The following TGM6 variants were observed in gnomAD, a reference collection of about 807,000 sequenced individuals.
TGM6 encodes the protein transglutaminase 6, also known as protein-glutamine gamma-glutamyltransferase 6.
A neutral mutation model predicts 77.5 loss-of-function variants in TGM6; 74 were observed. The observed-to-expected ratio is 0.96, with a 90% confidence interval of 0.79 to 1.16. The LOEUF (loss-of-function observed/expected upper bound fraction) is 1.16. Among genes scored for constraint, TGM6 ranks in the 50% most tolerant of loss-of-function variants. TGM6 has a pLI of 0.00. For synonymous variants in TGM6, 383 were observed against 378.9 expected (o/e 1.01, Z -0.12); for missense variants, 968 against 940.2 (o/e 1.03, Z -0.39).
rs566550009 is a variant in TGM6 at position 2,430,307 on chromosome 20, G to A, written c.1679-139G>A. 7.7e-5 allele frequency: 92 copies of A among 1,191,928 alleles called. 2 individuals carry two copies. In the South Asian group the frequency reaches 1.0e-3, roughly 13 times the overall value. The allele number at this position is 1,191,928 out of a possible 1,614,324, so 73.8% of individuals were successfully genotyped here. A position where few individuals can be genotyped will look rare whatever the true frequency, so the allele number is the denominator to read the frequency against. On this transcript the variant is annotated intron_variant, in intron 10 of 12. Transcript: ENST00000202625. ...CCTTAGGTTTCTTCATCTGAGAACC[G>A]AGGAAAATAAAGCCTGTCTCAGAAT...
chr20:2,383,324 T>C (rs1336113404), intron 1 of TGM6, among the ~76,000 whole-genome samples: 1 of 152,152 alleles, frequency 6.6e-6, no homozygotes, highest in Non-Finnish European at 1.5e-5. Context: ...CTCTCTGGTA[T>C]CACCCAAGGG....
rs772029512 is a variant in TGM6 at position 2,400,493 on chromosome 20, G to A, written c.989+49G>A. On this transcript the variant is annotated intron_variant, in intron 7 of 12. Coordinates refer to ENST00000202625, the MANE Select transcript of TGM6 (RefSeq NM_198994.3). ...CCCGAGGGCTCTGGAAGCCCAGCAG[G>A]TGGAGCAAGGCCTCATCTTCCATAA... The A allele has an allele frequency of 2.4e-5, 38 of 1,612,640 alleles. 1 individual carries two copies. The South Asian group carries it at 4.2e-4, about 18-fold the overall frequency.
intron 7 of TGM6, among the ~76,000 whole-genome samples, chr20:2,402,833 C>T (rs1176882275): frequency 2.6e-5 from 4 of 152,216 alleles, no homozygotes; most frequent in Admixed American, 2.6e-4. Context: ...GGCCATATCC[C>T]AGAGATACTT....
chr20:2,428,166 G>C (rs1297902087), intron 10 of TGM6, among the ~76,000 whole-genome samples: 1 of 152,022 alleles, frequency 6.6e-6, no homozygotes, highest in East Asian at 1.9e-4. Flanking sequence ...ATCCTTTTTG[G>C]TGAGTGCTCC....
At chr20:2,391,938 C>T (rs554441759) in intron 1 of TGM6, among the ~76,000 whole-genome samples, 5 of 152,314 alleles carry the variant, frequency 3.3e-5, no homozygotes, top group East Asian at 3.9e-4. Context: ...CTCTGCCTAG[C>T]GCCATAGCTG....
intron 9 of TGM6, among the ~76,000 whole-genome samples, chr20:2,404,732 C>T (rs2122378834): frequency 6.6e-6 from 1 of 152,184 alleles, no homozygotes; most frequent in African/African-American, 2.4e-5. Flanking sequence ...CCTCCGCCTC[C>T]TGGGTTCAAG....
chr20:2,400,470 C>T lies in TGM6; in HGVS notation c.989+26C>T, dbSNP rs562484824. ...GTGGGTCCTGCCCCCAGCCTAGGCC[C>T]GAGGGCTCTGGAAGCCCAGCAGGTG... On this transcript the variant is annotated intron_variant, in intron 7 of 12. Coordinates refer to ENST00000202625, the MANE Select transcript of TGM6 (RefSeq NM_198994.3). The T allele has an allele frequency of 2.0e-5, 32 of 1,613,684 alleles. 1 individual carries two copies. In the Middle Eastern group the frequency reaches 1.5e-3, roughly 75 times the overall value.
chr20:2,392,212 A>C (rs1212308832), intron 1 of TGM6, among the ~76,000 whole-genome samples: 1 of 152,200 alleles, frequency 6.6e-6, no homozygotes, highest in Non-Finnish European at 1.5e-5. Flanking sequence ...GGTCTGTAGC[A>C]TCCAGCACAA....
rs1311904411 is a variant in TGM6, at chr20:2,417,332, C to G, written c.1437C>G (p.Arg479=). 1 of 1,613,922 alleles carries G rather than the reference C, an allele frequency of 6.2e-7. No individual in the cohort carries two copies. Among genetic ancestry groups the G allele is most frequent in the East Asian group, 2.2e-5 (1 of 44,874 alleles). The part of the protein sequence containing the change: ...RRIWIRRAGG[R]CLWRDDLLEP... ...TCTGGATCCGCAGGGCTGGGGGTCGCTGTCTCTGGCGTGACGACCTCCTGG... is the reference window on the plus strand; with the variant it reads ...TCTGGATCCGCAGGGCTGGGGGTCGGTGTCTCTGGCGTGACGACCTCCTGG... Residue 479 remains arginine (R), a synonymous_variant, in exon 10 of 13, where the codon CGC becomes CGG. Transcript: ENST00000202625.
intron 9 of TGM6, among the ~76,000 whole-genome samples, chr20:2,404,628 A>G (rs1205601790): frequency 2.0e-5 from 3 of 148,902 alleles, no homozygotes; most frequent in African/African-American, 7.4e-5. Flanking sequence ...CATATTTTAC[A>G]GCTCTGGTTG....
intron 10 of TGM6, among the ~76,000 whole-genome samples, chr20:2,424,578 T>C (rs1197787471): frequency 6.6e-6 from 1 of 152,234 alleles, no homozygotes; most frequent in Non-Finnish European, 1.5e-5. Context: ...TGGAGATCAC[T>C]AAAACTTTCT....
At chr20:2,382,003 T>G (rs937305190) in intron 1 of TGM6, among the ~76,000 whole-genome samples, 2 of 151,140 alleles carry the variant, frequency 1.3e-5, no homozygotes. Context: ...TTGTCTTAGA[T>G]GCTGGGGCCC....
At position 2,432,580 on chromosome 20, in the gene TGM6, T is replaced by C. The variant is rs771715780; in HGVS notation, c.2058T>C (p.Leu686=). The C allele has an allele frequency of 2.5e-6, 4 of 1,613,956 alleles. No homozygotes were observed. In the African/African-American group the frequency reaches 4.0e-5, roughly 16 times the overall value. ...GCCCAAGGCAGCTGCAGGTGGACCTTGTAAGCCCTCACTTCCCGGACATCA... is the reference window on the plus strand; with the variant it reads ...GCCCAAGGCAGCTGCAGGTGGACCTCGTAAGCCCTCACTTCCCGGACATCA... ...KSGPRQLQVD[L]VSPHFPDIKG... is the part of the protein sequence containing the mutation. Residue 686 remains leucine, a synonymous_variant, in exon 13 of 13, where the codon CTT becomes CTC. Coordinates refer to ENST00000202625, the MANE Select transcript of TGM6 (RefSeq NM_198994.3).
At chr20:2,391,636 A>G (rs2084630266) in intron 1 of TGM6, among the ~76,000 whole-genome samples, 1 of 152,182 alleles carries the variant, frequency 6.6e-6, no homozygotes, top group Non-Finnish European at 1.5e-5. Flanking sequence ...GTTTGACAAG[A>G]TGAAGCAGCA....
At chr20:2,422,567 C>CGT (rs2084863713) in intron 10 of TGM6, among the ~76,000 whole-genome samples, 1 of 152,094 alleles carries the variant, frequency 6.6e-6, no homozygotes, top group Admixed American at 6.6e-5. Flanking sequence ...GTCTATAAAG[C>CGT]GTGCAATAGC....
chr20:2,422,768 C>CA (rs1371778142), intron 10 of TGM6, among the ~76,000 whole-genome samples: 3 of 150,636 alleles, frequency 2.0e-5, no homozygotes, highest in African/African-American at 4.9e-5. Flanking sequence ...CCCATCTCTA[C>CA]AAAAAAAATA....
intron 1 of TGM6, among the ~76,000 whole-genome samples, chr20:2,392,163 G>T (rs954120352): frequency 6.6e-6 from 1 of 152,204 alleles, no homozygotes; most frequent in African/African-American, 2.4e-5. Flanking sequence ...GCTATCAACT[G>T]CATGATGTCA....
intron 7 of TGM6, among the ~76,000 whole-genome samples, chr20:2,400,718 G>A (rs1192111448): frequency 6.6e-6 from 1 of 150,414 alleles, no homozygotes. Context: ...CTGGGAATCT[G>A]TGGCTTCCTG....
At position 2,397,914 on chromosome 20, in the gene TGM6, G is replaced by A; in HGVS notation, c.544-4G>A. 6.2e-7 allele frequency: 1 copy of A among 1,614,142 alleles called. No homozygotes were observed. Among genetic ancestry groups the A allele is most frequent in the Non-Finnish European group, 8.5e-7 (1 of 1,180,018 alleles). On this transcript the variant is annotated splice_region_variant and splice_polypyrimidine_tract_variant and intron_variant, in intron 4 of 12. Coordinates refer to ENST00000202625, the MANE Select transcript of TGM6 (RefSeq NM_198994.3). Reference sequence around the variant, plus strand: ...CCTCTAAGCACAGCCTCTCTGGGGAGCAGTTTGAGGAGGACATCCTGAACA... The same window carrying A: ...CCTCTAAGCACAGCCTCTCTGGGGAACAGTTTGAGGAGGACATCCTGAACA...
Sources: allele counts gnomAD v4.1 joint callset (sites outside exome capture counted in the v4.1 genomes callset), GRCh38; gene constraint gnomAD v4.1.1; transcripts MANE v1.5; gene names NCBI Gene and HGNC (gene_info 2026-07-23, HGNC 2026-07-21).